ROBO2: variants seen among roughly 807,000 people sequenced by gnomAD.
ROBO2 encodes the protein roundabout homolog 2.
A neutral mutation model predicts 160.8 loss-of-function variants in ROBO2; 53 were observed. The ratio of observed to expected loss-of-function variants is 0.33; its 90% confidence interval spans 0.26 to 0.41. The LOEUF is 0.41. ROBO2 is among the 10% of genes least tolerant of loss of function. The probability of loss-of-function intolerance (pLI) is 1.00; values close to 1 mark genes in which losing one functional copy is unlikely to be tolerated. For synonymous variants in ROBO2, 664 were observed against 611.7 expected (o/e 1.09, Z -1.26); for missense variants, 1,577 against 1,722.4 (o/e 0.92, Z 1.49).
chr3:75,988,492 T>C (rs2065476772), intron 2 of ROBO2, among the ~76,000 whole-genome samples: 1 of 152,092 alleles, frequency 6.6e-6, no homozygotes, highest in Non-Finnish European at 1.5e-5. Context: ...CATTGATTTT[T>C]CTCTACTTTT....
intron 2 of ROBO2, among the ~76,000 whole-genome samples, chr3:76,498,090 G>A (rs1288996071): frequency 1.3e-5 from 2 of 152,086 alleles, no homozygotes; most frequent in African/African-American, 4.8e-5. Flanking sequence ...ATTTTCAGTG[G>A]TATGTTCAGT....
chr3:76,527,285 A>T (rs1283986139), intron 2 of ROBO2, among the ~76,000 whole-genome samples: 1 of 152,156 alleles, frequency 6.6e-6, no homozygotes, highest in Admixed American at 6.6e-5. Flanking sequence ...AAAAGAATAG[A>T]CTATAAAATC....
intron 2 of ROBO2, among the ~76,000 whole-genome samples, chr3:76,387,028 G>A (rs2076924454): frequency 6.6e-6 from 1 of 152,182 alleles, no homozygotes; most frequent in Non-Finnish European, 1.5e-5. Context: ...GTTTCTCACA[G>A]TTCTAGAGGC....
chr3:76,050,383 A>G (rs917342775), intron 2 of ROBO2, among the ~76,000 whole-genome samples: 2 of 152,080 alleles, frequency 1.3e-5, no homozygotes, highest in Non-Finnish European at 2.9e-5. Flanking sequence ...TGAAGGGGAC[A>G]CTGCTGGCTT....
At chr3:76,626,450 C>T (rs544580781) in intron 2 of ROBO2, among the ~76,000 whole-genome samples, 99 of 152,044 alleles carry the variant, frequency 6.5e-4, no homozygotes, top group African/African-American at 2.4e-3. Flanking sequence ...AGCACCTGCC[C>T]AAATGAGATT....
In ROBO2 at chr3:76,217,565, G is replaced by T. The variant is rs188662050; in HGVS notation, c.109+279963G>T. ...CGCAAATAAACTAGAAAATCTAGAAGAAATGGATAAATTCCTCGAAACATA... is the reference window on the plus strand; with the variant it reads ...CGCAAATAAACTAGAAAATCTAGAATAAATGGATAAATTCCTCGAAACATA... On this transcript the variant is annotated intron_variant, in intron 2 of 26. Transcript: ENST00000487694. Among the ~76,000 whole-genome samples, 504 of 152,300 alleles carry T rather than the reference G, an allele frequency of 3.3e-3. 2 individuals are homozygous for T. The highest frequency in any genetic ancestry group is 5.4e-3 in the Non-Finnish European group (368 of 68,032).
intron 2 of ROBO2, among the ~76,000 whole-genome samples, chr3:76,309,899 C>CT (rs1338373098): frequency 6.6e-6 from 1 of 152,174 alleles, no homozygotes; most frequent in African/African-American, 2.4e-5. Flanking sequence ...TCATGACTTA[C>CT]TGCAGCCTCA....
intron 1 of ROBO2, 144 bp from the exon 2 acceptor site, chr3:77,097,870 T>C (rs2071309041): frequency 1.5e-6 from 1 of 682,730 alleles, no homozygotes; most frequent in South Asian, 2.3e-5. Flanking sequence ...AGATGACTTA[T>C]GAGATGCATA....
At chr3:75,954,412 C>T (rs905650696) in intron 2 of ROBO2, among the ~76,000 whole-genome samples, 3 of 151,760 alleles carry the variant, frequency 2.0e-5, no homozygotes, top group Non-Finnish European at 2.9e-5. Context: ...GAAGCCTGTG[C>T]GGTGAATGGG....
At chr3:77,441,121 C>T (rs777167612) in intron 2 of ROBO2, among the ~76,000 whole-genome samples, 36 of 151,986 alleles carry the variant, frequency 2.4e-4, no homozygotes, top group Non-Finnish European at 4.6e-4. Context: ...TGGACCTTTC[C>T]TCTTTCACTG....
chr3:77,044,018 A>C (rs1300811282), intron 1 of ROBO2, among the ~76,000 whole-genome samples: 7 of 152,268 alleles, frequency 4.6e-5, no homozygotes, highest in Non-Finnish European at 1.0e-4. Flanking sequence ...TTCAGAATTT[A>C]AATTATATAT....
At chr3:77,472,842 G>A (rs573816434) in intron 2 of ROBO2, among the ~76,000 whole-genome samples, 1 of 152,068 alleles carries the variant, frequency 6.6e-6, no homozygotes, top group Non-Finnish European at 1.5e-5. Flanking sequence ...TATTGGTAAG[G>A]GTGTTGAGAG....
chr3:76,709,108 C>T (rs1434442086), intron 2 of ROBO2, among the ~76,000 whole-genome samples: 1 of 152,028 alleles, frequency 6.6e-6, no homozygotes, highest in Non-Finnish European at 1.5e-5. Flanking sequence ...TATGAAGTAC[C>T]TTGATGAAGA....
chr3:77,134,809 A>T (rs1336675620), intron 2 of ROBO2, among the ~76,000 whole-genome samples: 2 of 152,238 alleles, frequency 1.3e-5, no homozygotes, highest in East Asian at 3.8e-4. Context: ...CTACATAATC[A>T]AATCAGTACA....
At position 77,238,853 on chromosome 3, in the gene ROBO2, C is replaced by A. The variant is rs538491245; in HGVS notation, c.388+140513C>A. Among the ~76,000 whole-genome samples the A allele has an allele frequency of 3.3e-5, 5 of 152,290 alleles. No homozygotes were observed. In the East Asian group the frequency reaches 9.7e-4, roughly 29 times the overall value. ...AGTGACGTAGATGTTTACACTGGAG[C>A]AATTCTGTTTTCTCCTCTACTTGCA... is the stretch of plus-strand genomic sequence containing the variant. On this transcript the variant is annotated intron_variant, in intron 2 of 25. Transcript: ENST00000461745.
intron 2 of ROBO2, among the ~76,000 whole-genome samples, chr3:76,917,163 A>G (rs1048835341): frequency 6.6e-6 from 1 of 152,162 alleles, no homozygotes. Context: ...TCAGTGCAAT[A>G]ATGATTCTAC....
chr3:77,403,174 C>G (rs1425001675), intron 2 of ROBO2, among the ~76,000 whole-genome samples: 1 of 152,288 alleles, frequency 6.6e-6, no homozygotes, highest in East Asian at 1.9e-4. Flanking sequence ...AATGGCTAAA[C>G]CAAGCTAGTT....
intron 2 of ROBO2, among the ~76,000 whole-genome samples, chr3:77,383,821 T>C (rs949445777): frequency 2.0e-5 from 3 of 152,290 alleles, no homozygotes; most frequent in Admixed American, 2.0e-4. Flanking sequence ...TCATCCTTTA[T>C]GTACTTTCTA....
chr3:77,309,225 G>T (rs12637117), intron 2 of ROBO2, among the ~76,000 whole-genome samples: 14,646 of 151,902 alleles, frequency 0.096, 932 homozygotes, highest in East Asian at 0.33. Context: ...TTGTTACTAA[G>T]CTTTACATAT....
Sources: gnomAD v4.1 joint callset for allele counts (sites outside exome capture counted in the v4.1 genomes callset) on GRCh38, gnomAD v4.1.1 for gene constraint, MANE v1.5 for transcripts, NCBI Gene and HGNC (gene_info 2026-07-23, HGNC 2026-07-21) for gene names.